KLF8: variants seen among roughly 807,000 people sequenced by gnomAD.
KLF8 encodes the protein KLF transcription factor 8, also known as Krueppel-like factor 8.
KLF8 carries 10 observed loss-of-function variants against 18.2 expected under a neutral mutation model. That is an observed-to-expected ratio of 0.55 (90% CI 0.34 to 0.93). The LOEUF is 0.93. Ranked by LOEUF, KLF8 falls within the 40% of genes least tolerant of loss-of-function variation. KLF8 has a pLI of 0.02. For missense variants in KLF8, 264 were observed against 277.9 expected, an observed-to-expected ratio of 0.95 and a Z score of 0.36; for synonymous variants, 109 against 97.3, an observed-to-expected ratio of 1.12 and a Z score of -0.71.
the KLF8 span, among the ~76,000 whole-genome samples, chrX:56,059,276 C>CA: frequency 2.6e-4 from 29 of 111,674 alleles, 1 homozygote; most frequent in Admixed American, 2.6e-3. Context: ...GGGTAGATTG[C>CA]AAAAATTTTT....
chrX:56,106,178 T>C, the KLF8 span, among the ~76,000 whole-genome samples: 7 of 111,469 alleles, frequency 6.3e-5, no homozygotes, highest in Admixed American at 1.9e-4. Context: ...TGTTGGTAAA[T>C]CTGATGATTA....
chrX:56,264,620 C>T (rs2066940558), intron 2 of KLF8, among the ~76,000 whole-genome samples: 1 of 110,597 alleles, frequency 9.0e-6, no homozygotes, highest in South Asian at 3.8e-4. Context: ...TGTTATGGCT[C>T]TATAGACAGG....
At chrX:56,208,738 AT>A in the KLF8 span, among the ~76,000 whole-genome samples, 1 of 111,588 alleles carries the variant, frequency 9.0e-6, no homozygotes, top group African/African-American at 3.3e-5. Context: ...TGAAGAGCAT[AT>A]TTTTTAATTT....
chrX:55,960,237 C>T, the KLF8 span, among the ~76,000 whole-genome samples: 2 of 112,499 alleles, frequency 1.8e-5, no homozygotes, highest in African/African-American at 3.2e-5. Flanking sequence ...AAGTCCTTGG[C>T]TGGGTGCAGT....
chrX:56,276,152 C>T (rs944024537), intron 5 of KLF8, among the ~76,000 whole-genome samples: 10 of 108,264 alleles, frequency 9.2e-5, no homozygotes, highest in African/African-American at 3.4e-4. Context: ...CCCCGCACCT[C>T]GCCCCCGAAA....
chrX:56,261,168 T>C (rs1323420884), intron 2 of KLF8, among the ~76,000 whole-genome samples: 2 of 111,776 alleles, frequency 1.8e-5, no homozygotes, highest in Non-Finnish European at 3.8e-5. Context: ...TATGAATAAA[T>C]AACTCTTTTT....
the KLF8 span, among the ~76,000 whole-genome samples, chrX:56,193,261 T>C: frequency 1.8e-5 from 2 of 112,287 alleles, no homozygotes; most frequent in African/African-American, 6.5e-5. Flanking sequence ...AAATCAAAAC[T>C]ACAATGAAAT....
chrX:56,082,978 G>A, the KLF8 span, among the ~76,000 whole-genome samples: 1 of 111,484 alleles, frequency 9.0e-6, no homozygotes, highest in Non-Finnish European at 1.9e-5. Flanking sequence ...TTTGACTTTT[G>A]GCACTTTGAA....
the KLF8 span, among the ~76,000 whole-genome samples, chrX:56,006,747 G>T: frequency 8.9e-6 from 1 of 112,408 alleles, no homozygotes; most frequent in Non-Finnish European, 1.9e-5. Context: ...TTAGTCACTT[G>T]TTGGATTCAT....
the KLF8 span, among the ~76,000 whole-genome samples, chrX:56,105,424 A>T: frequency 9.0e-6 from 1 of 111,409 alleles, no homozygotes; most frequent in African/African-American, 3.3e-5. Context: ...TATATTTAGG[A>T]TAGTTAGCTC....
At chrX:56,159,603 G>A in the KLF8 span, among the ~76,000 whole-genome samples, 1 of 112,058 alleles carries the variant, frequency 8.9e-6, no homozygotes, top group Non-Finnish European at 1.9e-5. Context: ...ACTTCTTCCT[G>A]GTTTAGTCTT....
the KLF8 span, among the ~76,000 whole-genome samples, chrX:56,148,441 T>TA: frequency 4.6e-4 from 48 of 105,126 alleles, no homozygotes; most frequent in South Asian, 1.6e-3. Context: ...ACACGAGCTT[T>TA]AAAAAAAAAA....
chrX:55,999,656 G>A, the KLF8 span, among the ~76,000 whole-genome samples: 124 of 110,508 alleles, frequency 1.1e-3, 1 homozygote, highest in Middle Eastern at 0.014. Context: ...TATCAGCTTG[G>A]CCATTATTGG....
At chrX:55,919,268 GCAGCT>G in the KLF8 span, among the ~76,000 whole-genome samples, 1 of 111,996 alleles carries the variant, frequency 8.9e-6, no homozygotes, top group Admixed American at 9.4e-5. Flanking sequence ...TGACTAGCTT[GCAGCT>G]CCTGGTCAGA....
chrX:56,274,131 CCCA>C (rs2067091815), intron 5 of KLF8, among the ~76,000 whole-genome samples: 1 of 111,869 alleles, frequency 8.9e-6, no homozygotes, highest in Admixed American at 9.5e-5. Flanking sequence ...AATTTATATT[CCCA>C]CCAACAGTAT....
At chrX:56,047,534 C>G in the KLF8 span, among the ~76,000 whole-genome samples, 2 of 108,311 alleles carry the variant, frequency 1.8e-5, no homozygotes, top group African/African-American at 6.7e-5. Flanking sequence ...TTTGTCCTTG[C>G]GATAGTTTCC....
At chrX:55,955,258 A>G in the KLF8 span, among the ~76,000 whole-genome samples, 1 of 111,430 alleles carries the variant, frequency 9.0e-6, no homozygotes, top group South Asian at 3.7e-4. Flanking sequence ...AAGAAAGAAC[A>G]GCAAGCAAAA....
the KLF8 span, among the ~76,000 whole-genome samples, chrX:56,036,209 C>A: frequency 1.8e-5 from 2 of 111,492 alleles, no homozygotes; most frequent in African/African-American, 6.5e-5. Flanking sequence ...GCATATTTAT[C>A]ATCTCATCTA....
At chrX:56,123,594 A>T in the KLF8 span, among the ~76,000 whole-genome samples, 1 of 112,165 alleles carries the variant, frequency 8.9e-6, no homozygotes, top group Admixed American at 9.5e-5. Flanking sequence ...TATTAACTTT[A>T]TAAGTAAGTA....
Sources: allele counts gnomAD v4.1 joint callset (sites outside exome capture counted in the v4.1 genomes callset), GRCh38; gene constraint gnomAD v4.1.1; transcripts MANE v1.5; gene names NCBI Gene and HGNC (gene_info 2026-07-23, HGNC 2026-07-21).